The following CDCA7L variants were observed in gnomAD, a reference collection of about 807,000 sequenced individuals.
CDCA7L encodes cell division cycle-associated 7-like protein.
CDCA7L carries 44 observed loss-of-function variants against 57.4 expected under a neutral mutation model. That is an observed-to-expected ratio of 0.77 (90% CI 0.60 to 0.98). The LOEUF is 0.98. CDCA7L is among the 50% of genes least tolerant of loss of function. The probability of loss-of-function intolerance (pLI) is 0.00; values close to 1 mark genes in which losing one functional copy is unlikely to be tolerated. For missense variants in CDCA7L, 644 were observed against 580.6 expected (o/e 1.11, Z -1.12); for synonymous variants, 236 against 202.8 (o/e 1.16, Z -1.39).
chr7:21,929,850 T>C (rs1322068655), intron 1 of CDCA7L, among the ~76,000 whole-genome samples: 1 of 152,076 alleles, frequency 6.6e-6, no homozygotes. Flanking sequence ...CAAAGAGACT[T>C]AGACTCCCAC....
chr7:21,907,039 A>T (rs1785163857), intron 4 of CDCA7L, among the ~76,000 whole-genome samples: 1 of 152,206 alleles, frequency 6.6e-6, no homozygotes, highest in Non-Finnish European at 1.5e-5. Flanking sequence ...GCTCAACTAG[A>T]TTATTTCGAT....
intron 1 of CDCA7L, among the ~76,000 whole-genome samples, chr7:21,923,365 T>A (rs1486724517): frequency 6.6e-6 from 1 of 152,030 alleles, no homozygotes; most frequent in Admixed American, 6.6e-5. Flanking sequence ...TGGTGGCGTG[T>A]GCCTGTAGTC....
At chr7:21,911,531 G>A in intron 3 of CDCA7L, 86 bp downstream of exon 3, 1 of 1,447,570 alleles carries the variant, frequency 6.9e-7, no homozygotes, top group Non-Finnish European at 9.2e-7. Flanking sequence ...CTTTTCACTT[G>A]TGAAGTGACT....
At chr7:21,929,164 G>GA (rs1448099040) in intron 1 of CDCA7L, among the ~76,000 whole-genome samples, 1 of 152,152 alleles carries the variant, frequency 6.6e-6, no homozygotes, top group East Asian at 1.9e-4. Context: ...CATTCTTAAT[G>GA]AAAAGAATTT....
chr7:21,938,435 C>G (rs536269527), intron 1 of CDCA7L, among the ~76,000 whole-genome samples: 1 of 151,948 alleles, frequency 6.6e-6, no homozygotes, highest in Non-Finnish European at 1.5e-5. Context: ...TTGGAACACT[C>G]GTGCACTGCT....
intron 1 of CDCA7L, among the ~76,000 whole-genome samples, chr7:21,918,707 T>G (rs1785564703): frequency 6.6e-6 from 1 of 152,230 alleles, no homozygotes; most frequent in Non-Finnish European, 1.5e-5. Context: ...GACTACTTTT[T>G]AGGAAGTGCT....
At chr7:21,931,408 A>G (rs994164203) in intron 1 of CDCA7L, among the ~76,000 whole-genome samples, 2 of 152,236 alleles carry the variant, frequency 1.3e-5, no homozygotes, top group Admixed American at 1.3e-4. Flanking sequence ...ATCCAGCAGC[A>G]CATCAAAAAG....
At chr7:21,916,681 C>G (rs1029563379) in intron 2 of CDCA7L, 73 bp downstream of exon 2, 12 of 1,403,166 alleles carry the variant, frequency 8.6e-6, no homozygotes, top group Non-Finnish European at 1.2e-5. Context: ...ACACCATGTT[C>G]AAATAAAAGA....
chr7:21,921,956 CTA>C (rs758478599), intron 1 of CDCA7L, among the ~76,000 whole-genome samples: 37 of 152,124 alleles, frequency 2.4e-4, no homozygotes, highest in Non-Finnish European at 4.7e-4. Context: ...GGATTCAATT[CTA>C]TGAGAACACA....
Position 21,906,483 on chromosome 7 carries a change from A to T in CDCA7L, c.754-27T>A, listed in dbSNP as rs1468015135. On this transcript the variant is annotated intron_variant, in intron 5 of 9. Transcript: ENST00000406877. ...TGAAATCAAGAGCACAGACAGAGAC[A>T]ACTGGGGACTCTCTCGAATAAAAGC... 1.9e-6 allele frequency: 3 copies of T among 1,610,956 alleles called. No homozygotes were observed. The South Asian group carries it at 3.3e-5, about 18-fold the overall frequency.
intron 8 of CDCA7L, among the ~76,000 whole-genome samples, chr7:21,903,535 G>T (rs1057261751): frequency 1.4e-5 from 2 of 146,060 alleles, no homozygotes; most frequent in African/African-American, 5.1e-5. Flanking sequence ...GTCAGTTGAG[G>T]ACCATATATT....
chr7:21,927,656 T>C (rs1034678325), intron 1 of CDCA7L, among the ~76,000 whole-genome samples: 1 of 152,188 alleles, frequency 6.6e-6, no homozygotes, highest in Non-Finnish European at 1.5e-5. Flanking sequence ...AAGGCATGAA[T>C]TGGAATACAT....
intron 1 of CDCA7L, among the ~76,000 whole-genome samples, chr7:21,932,951 T>C (rs1263643973): frequency 7.0e-6 from 1 of 142,836 alleles, no homozygotes; most frequent in Non-Finnish European, 1.5e-5. Context: ...TAAACAAATT[T>C]ATAAGAAAAA....
chr7:21,926,628 T>C (rs950665455), intron 1 of CDCA7L, among the ~76,000 whole-genome samples: 1 of 152,146 alleles, frequency 6.6e-6, no homozygotes, highest in South Asian at 2.1e-4. Flanking sequence ...TCCAAGCATT[T>C]TGGAAGGCTG....
chr7:21,913,329 T>C (rs897184633), intron 2 of CDCA7L, among the ~76,000 whole-genome samples: 8 of 152,128 alleles, frequency 5.3e-5, no homozygotes, highest in African/African-American at 1.7e-4. Context: ...GTAGTGCAGC[T>C]GCTTGAGAAA....
At chr7:21,929,279 C>T (rs1249948356) in intron 1 of CDCA7L, among the ~76,000 whole-genome samples, 1 of 152,050 alleles carries the variant, frequency 6.6e-6, no homozygotes, top group Non-Finnish European at 1.5e-5. Context: ...ACCACCAGGC[C>T]TGCCTTATAA....
rs749175590 is a variant in CDCA7L, at chr7:21,901,479, G to T, written c.*843C>A. On this transcript the variant is annotated 3_prime_UTR_variant, in exon 10 of 10. Transcript: ENST00000406877. The stretch of plus-strand genomic sequence containing the variant: ...AATCCCAGTTACTCAGGAGGTAGGA[G>T]AATCACTTGAACCTAGGAGGCAAAG... The T allele has an allele frequency of 2.2e-6, 1 of 464,600 alleles. No individual in the cohort carries two copies. The highest frequency in any genetic ancestry group is 7.3e-5 in the South Asian group (1 of 13,724). The allele number at this position is 464,600 out of a possible 1,614,324, so 28.8% of individuals were successfully genotyped here. A position where few individuals can be genotyped will look rare whatever the true frequency, so the allele number is the denominator to read the frequency against.
intron 1 of CDCA7L, among the ~76,000 whole-genome samples, chr7:21,935,107 C>T (rs1485463256): frequency 6.6e-6 from 1 of 152,118 alleles, no homozygotes; most frequent in East Asian, 1.9e-4. Flanking sequence ...TTCTCAAGTA[C>T]TTACAGAAAA....
At chr7:21,902,436 A>T in intron 9 of CDCA7L, 84 bp from the exon 10 acceptor site, 1 of 1,327,708 alleles carries the variant, frequency 7.5e-7, no homozygotes, top group Non-Finnish European at 1.1e-6. Context: ...ACAATCATCT[A>T]AGAGTACAAA....
Sources: gnomAD v4.1 joint callset for allele counts (sites outside exome capture counted in the v4.1 genomes callset) on GRCh38, gnomAD v4.1.1 for gene constraint, MANE v1.5 for transcripts, NCBI Gene and HGNC (gene_info 2026-07-23, HGNC 2026-07-21) for gene names.